CLIP4: variants seen among roughly 807,000 people sequenced by gnomAD.
The protein encoded by CLIP4 is CAP-Gly domain containing linker protein family member 4.
Under a neutral mutation model 73.1 loss-of-function variants are expected in CLIP4, and 47 were observed. That is an observed-to-expected ratio of 0.64 (90% CI 0.51 to 0.82). The LOEUF (loss-of-function observed/expected upper bound fraction) is 0.82. Among genes scored for constraint, CLIP4 ranks in the 40% least tolerant of loss-of-function variants. CLIP4 has a pLI of 0.00. For synonymous variants in CLIP4, 306 were observed against 295.4 expected, an observed-to-expected ratio of 1.04 and a Z score of -0.37; for missense variants, 874 against 852.9, an observed-to-expected ratio of 1.02 and a Z score of -0.31.
At position 29,133,129 on chromosome 2, in the gene CLIP4, C is replaced by T. The variant is rs145002225; in HGVS notation, c.368-526C>T. ...TGTAAGCCCAGTAGTTGAGGGTTGG[C>T]GTGAGCTGTGATTGTATCACTACAC... On this transcript the variant is annotated intron_variant, in intron 4 of 15. Coordinates refer to ENST00000320081, the MANE Select transcript of CLIP4 (RefSeq NM_024692.6). Among the ~76,000 whole-genome samples, 996 of 152,138 alleles carry T rather than the reference C, an allele frequency of 6.5e-3. 12 individuals carry two copies. Among genetic ancestry groups the T allele is most frequent in the African/African-American group, 0.023 (949 of 41,504 alleles).
chr2:29,119,595 A>G (rs898782054), intron 1 of CLIP4, among the ~76,000 whole-genome samples: 3 of 152,200 alleles, frequency 2.0e-5, no homozygotes, highest in Admixed American at 1.3e-4. Context: ...TAAAAAAATC[A>G]GTAGTTTCCC....
chr2:29,153,872 T>C (rs1244587809), intron 9 of CLIP4, among the ~76,000 whole-genome samples: 9 of 152,328 alleles, frequency 5.9e-5, no homozygotes, highest in African/African-American at 2.2e-4. Flanking sequence ...ATCTCATTCT[T>C]GATCATTGTC....
chr2:29,159,924 G>A (rs73920714), intron 11 of CLIP4, among the ~76,000 whole-genome samples: 2,424 of 152,336 alleles, frequency 0.016, 62 homozygotes, highest in African/African-American at 0.055. Context: ...TGCAACAGCA[G>A]AGTTCAATAG....
At position 29,182,599 on chromosome 2, in the gene CLIP4, G is replaced by C. The variant is rs1668696901; in HGVS notation, c.*706G>C. ...TGTGGGTCTCCTCACTTGTGGCCCA[G>C]TGCTCTTTCTGCTATACAAAATGTC... is the stretch of plus-strand genomic sequence containing the variant. On this transcript the variant is annotated 3_prime_UTR_variant, in exon 16 of 16. Coordinates refer to ENST00000320081, the MANE Select transcript of CLIP4 (RefSeq NM_024692.6). 6.6e-6 allele frequency: 1 copy of C among 152,552 alleles called. No homozygotes were observed. Among genetic ancestry groups the C allele is most frequent in the African/African-American group, 2.4e-5 (1 of 41,436 alleles). The allele number at this position is 152,552 out of a possible 1,614,324, so 9.4% of individuals were successfully genotyped here. A position where few individuals can be genotyped will look rare whatever the true frequency, so the allele number is the denominator to read the frequency against.
rs755864525 is a variant in CLIP4, at chr2:29,174,454, TAAG to T, written c.1796+14_1796+16del. ...AGAAATGCTTTTTCCAAGTGAGTAT[TAAG>T]AAGATTTAGAAAAACACCTTTCAAG... On this transcript the variant is annotated intron_variant, in intron 15 of 15. Coordinates refer to ENST00000320081, the MANE Select transcript of CLIP4 (RefSeq NM_024692.6). The T allele has an allele frequency of 5.9e-5, 95 of 1,607,430 alleles. No individual in the cohort carries two copies. Among genetic ancestry groups the T allele is most frequent in the East Asian group, 3.1e-4 (14 of 44,746 alleles).
At chr2:29,175,850 C>T (rs1336115290) in intron 15 of CLIP4, among the ~76,000 whole-genome samples, 10 of 152,076 alleles carry the variant, frequency 6.6e-5, no homozygotes, top group Admixed American at 5.9e-4. Context: ...CAAGCTCCGC[C>T]TCCCGGGTTC....
intron 12 of CLIP4, among the ~76,000 whole-genome samples, chr2:29,162,742 G>C (rs1486728558): frequency 1.3e-5 from 2 of 152,148 alleles, no homozygotes; most frequent in Non-Finnish European, 2.9e-5. Context: ...CAGAGCGTTA[G>C]TGCAGCTTAA....
Position 29,121,477 on chromosome 2 carries a change from C to T in CLIP4, c.89C>T (p.Pro30Leu). 1 of 1,613,738 alleles carries T rather than the reference C, an allele frequency of 6.2e-7. No homozygotes were observed. Among genetic ancestry groups the T allele is most frequent in the Non-Finnish European group, 8.5e-7 (1 of 1,179,828 alleles). Residue 30 changes from proline (P) to leucine (L), a missense_variant, in exon 2 of 16, where the codon CCA becomes CTA. By Grantham distance (98) the Pro-to-Leu change is moderately conservative. Transcript: ENST00000320081. ...YPFIFSASDT[P>L]VIFSISAAPM... ...TTTATATTTTCTGCTTCTGATACCC[C>T]AGTTATCTTTTCCATTTCTGCAGCA...
intron 1 of CLIP4, among the ~76,000 whole-genome samples, chr2:29,121,031 C>T (rs945135234): frequency 6.6e-6 from 1 of 152,124 alleles, no homozygotes; most frequent in Non-Finnish European, 1.5e-5. Flanking sequence ...GTTAAAGATC[C>T]ATCTACAAGG....
At chr2:29,110,266 G>T (rs1668352018) in intron 1 of CLIP4, among the ~76,000 whole-genome samples, 1 of 152,192 alleles carries the variant, frequency 6.6e-6, no homozygotes, top group Admixed American at 6.5e-5. Context: ...ACTTCAGCAG[G>T]CAGTCCCCAC....
intron 15 of CLIP4, among the ~76,000 whole-genome samples, chr2:29,177,349 C>T (rs527734695): frequency 6.7e-4 from 100 of 149,708 alleles, no homozygotes; most frequent in Non-Finnish European, 1.3e-3. Flanking sequence ...GCAGGGGTTT[C>T]ATTGAGCCAA....
intron 2 of CLIP4, 83 bp from the exon 3 acceptor site, chr2:29,131,175 A>C: frequency 8.6e-7 from 1 of 1,169,248 alleles, no homozygotes; most frequent in East Asian, 2.6e-5. Flanking sequence ...GTATCATTTG[A>C]ACCTTGGTTT....
At chr2:29,157,939 C>A (rs1241001429) in intron 11 of CLIP4, among the ~76,000 whole-genome samples, 1 of 152,182 alleles carries the variant, frequency 6.6e-6, no homozygotes, top group African/African-American at 2.4e-5. Flanking sequence ...AAAATACGTT[C>A]TTCATGAACC....
At chr2:29,116,229 T>A (rs1663819971) in intron 1 of CLIP4, among the ~76,000 whole-genome samples, 2 of 152,182 alleles carry the variant, frequency 1.3e-5, no homozygotes, top group South Asian at 4.1e-4. Context: ...TGAGCCCGCA[T>A]CCTTAAGGAT....
At chr2:29,178,810 T>A (rs1279109776) in intron 15 of CLIP4, among the ~76,000 whole-genome samples, 1 of 152,168 alleles carries the variant, frequency 6.6e-6, no homozygotes, top group Non-Finnish European at 1.5e-5. Context: ...TTTATTTATT[T>A]ATTTGACAGA....
intron 1 of CLIP4, among the ~76,000 whole-genome samples, chr2:29,101,312 GAA>G (rs75588803): frequency 8.5e-5 from 9 of 105,396 alleles, no homozygotes; most frequent in African/African-American, 3.1e-4. Flanking sequence ...AAAAAAAAAA[GAA>G]AAAAAAAAAA....
At chr2:29,126,403 A>G (rs918382183) in intron 2 of CLIP4, among the ~76,000 whole-genome samples, 1 of 152,148 alleles carries the variant, frequency 6.6e-6, no homozygotes, top group Non-Finnish European at 1.5e-5. Flanking sequence ...ATTTTGGGCA[A>G]ATTGTTTATA....
intron 6 of CLIP4, among the ~76,000 whole-genome samples, chr2:29,138,598 G>T (rs1375706828): frequency 6.6e-6 from 1 of 151,978 alleles, no homozygotes; most frequent in African/African-American, 2.4e-5. Flanking sequence ...ATTGCTTTGG[G>T]CAATGTGGAC....
In CLIP4 at chr2:29,181,647, C is replaced by T. The variant is rs1263251771; in HGVS notation, c.1872C>T (p.His624=). 1.3e-5 allele frequency: 21 copies of T among 1,614,108 alleles called. No homozygotes were observed. The highest frequency in any genetic ancestry group is 1.7e-4 in the Middle Eastern group (1 of 6,060). ...AGGIEGSVKL[H]EGSQVLLTSS... ...GCATTGAAGGGAGCGTGAAGCTGCA[C>T]GAGGGGTCTCAGGTCCTGCTCACGA... is the stretch of plus-strand genomic sequence containing the variant. The change falls in exon 16 of 16, where the codon CAC becomes CAT. Residue 624 remains histidine, a synonymous_variant. Transcript: ENST00000320081.
Sources: allele counts gnomAD v4.1 joint callset (sites outside exome capture counted in the v4.1 genomes callset), GRCh38; gene constraint gnomAD v4.1.1; transcripts MANE v1.5; gene names NCBI Gene and HGNC (gene_info 2026-07-23, HGNC 2026-07-21).